CACNA2D3: variants seen among roughly 807,000 people sequenced by gnomAD.
CACNA2D3 encodes voltage-dependent calcium channel subunit alpha-2/delta-3.
In CACNA2D3, 60 loss-of-function variants were observed where a neutral mutation model predicts 160.6. That is an observed-to-expected ratio of 0.37 (90% confidence interval 0.30 to 0.46). CACNA2D3 has a LOEUF of 0.46. Among genes scored for constraint, CACNA2D3 ranks in the 20% least tolerant of loss-of-function variants. The probability of loss-of-function intolerance (pLI) is 1.00; values close to 1 mark genes in which losing one functional copy is unlikely to be tolerated. For synonymous variants in CACNA2D3, 558 were observed against 492.9 expected (o/e 1.13, Z -1.75); for missense variants, 1,205 against 1,365.0 (o/e 0.88, Z 1.85).
chr3:54,132,628 T>C lies in CACNA2D3; in HGVS notation c.204+9034T>C, dbSNP rs1466547223. On this transcript the variant is annotated intron_variant, in intron 2 of 37. Coordinates refer to ENST00000474759, the MANE Select transcript of CACNA2D3 (RefSeq NM_018398.3). Reference sequence around the variant, plus strand: ...TACTTGAACAGCGAGGTTTTCAGTTTTTTTGCTTGAAACAAATGCTTTATG... The same window carrying C: ...TACTTGAACAGCGAGGTTTTCAGTTCTTTTGCTTGAAACAAATGCTTTATG... 2.6e-5 allele frequency among the ~76,000 whole-genome samples: 4 copies of C among 152,214 alleles called. No individual in the cohort carries two copies. In the East Asian group the frequency reaches 5.8e-4, roughly 22 times the overall value.
intron 11 of CACNA2D3, among the ~76,000 whole-genome samples, chr3:54,694,700 G>A (rs921149282): frequency 2.6e-5 from 4 of 152,168 alleles, no homozygotes; most frequent in Non-Finnish European, 5.9e-5. Flanking sequence ...CTGAGGTATT[G>A]CTAGCTGTAT....
chr3:54,828,748 T>C (rs1703800132), intron 14 of CACNA2D3, among the ~76,000 whole-genome samples: 1 of 152,198 alleles, frequency 6.6e-6, no homozygotes, highest in African/African-American at 2.4e-5. Context: ...GGGAAATCTG[T>C]TTACTTTTGT....
chr3:54,820,342 TTGTC>T (rs1366859479), intron 14 of CACNA2D3, among the ~76,000 whole-genome samples: 4 of 152,228 alleles, frequency 2.6e-5, no homozygotes, highest in Non-Finnish European at 5.9e-5. Context: ...TTAATGACTG[TTGTC>T]TGTAAGTTAT....
At chr3:54,849,777 G>A (rs1044528845) in intron 17 of CACNA2D3, among the ~76,000 whole-genome samples, 15 of 152,202 alleles carry the variant, frequency 9.9e-5, no homozygotes, top group African/African-American at 3.4e-4. Flanking sequence ...AGCATGGGGA[G>A]GACACAGCAA....
intron 35 of CACNA2D3, among the ~76,000 whole-genome samples, chr3:55,042,563 G>A (rs978824143): frequency 2.0e-5 from 3 of 152,064 alleles, no homozygotes; most frequent in African/African-American, 7.2e-5. Flanking sequence ...CTTTGAAACA[G>A]CATATGTTTT....
At chr3:54,600,731 A>G (rs1017847946) in intron 9 of CACNA2D3, among the ~76,000 whole-genome samples, 3 of 151,990 alleles carry the variant, frequency 2.0e-5, no homozygotes, top group Non-Finnish European at 4.4e-5. Context: ...CTTCCTCCCC[A>G]GTTGTCATGA....
chr3:54,412,367 A>T (rs909435060), intron 4 of CACNA2D3, among the ~76,000 whole-genome samples: 1 of 151,918 alleles, frequency 6.6e-6, no homozygotes, highest in African/African-American at 2.4e-5. Flanking sequence ...GGATTTGTTT[A>T]TCTGTTTAGT....
chr3:55,033,000 A>G lies in CACNA2D3; in HGVS notation c.2987+14683A>G, dbSNP rs1703713862. Reference sequence around the variant, plus strand: ...AATTCTAGTAGCTGAGACACCTGTTATTTTGTGTGATATTTAAAAACAAGT... The same window carrying G: ...AATTCTAGTAGCTGAGACACCTGTTGTTTTGTGTGATATTTAAAAACAAGT... On this transcript the variant is annotated intron_variant, in intron 35 of 37. Coordinates refer to ENST00000474759, the MANE Select transcript of CACNA2D3 (RefSeq NM_018398.3). Among the ~76,000 whole-genome samples, 5 of 152,160 alleles carry G rather than the reference A, an allele frequency of 3.3e-5. No homozygotes were observed. The South Asian group carries it at 1.0e-3, about 32-fold the overall frequency.
chr3:54,241,630 C>T (rs1024219077), intron 2 of CACNA2D3, among the ~76,000 whole-genome samples: 2 of 152,182 alleles, frequency 1.3e-5, no homozygotes, highest in South Asian at 2.1e-4. Flanking sequence ...TGCTGGCTCA[C>T]GTGGCTGTGG....
intron 9 of CACNA2D3, chr3:54,626,683 TCAAAAAA>T (rs1559531064): frequency 1.2e-5 from 3 of 242,686 alleles, no homozygotes; most frequent in South Asian, 9.2e-5. Context: ...ATGGTTCCAG[TCAAAAAA>T]AAAAAAAAAA....
intron 27 of CACNA2D3, among the ~76,000 whole-genome samples, chr3:54,955,855 G>T (rs1219158980): frequency 6.6e-6 from 1 of 152,132 alleles, no homozygotes; most frequent in Non-Finnish European, 1.5e-5. Flanking sequence ...GCCTGCTCAC[G>T]AAACCTGGTG....
chr3:54,500,504 T>TTCCTTCCTTCCTTC (rs1701271807), intron 4 of CACNA2D3, among the ~76,000 whole-genome samples: 5 of 102,060 alleles, frequency 4.9e-5, no homozygotes, highest in Non-Finnish European at 1.0e-4. Context: ...TTCCTTCCTA[T>TTCCTTCCTTCCTTC]CTTCCTTCCT....
intron 36 of CACNA2D3, 53 bp from the exon 37 acceptor site, chr3:55,073,724 A>G (rs1358728497): frequency 6.7e-7 from 1 of 1,483,514 alleles, no homozygotes; most frequent in Non-Finnish European, 9.4e-7. Flanking sequence ...TGACCTCTGA[A>G]ATGCAGAGTA....
At chr3:54,246,479 G>T (rs1253127026) in intron 2 of CACNA2D3, among the ~76,000 whole-genome samples, 3 of 152,158 alleles carry the variant, frequency 2.0e-5, no homozygotes, top group African/African-American at 7.2e-5. Flanking sequence ...GATCACCTGA[G>T]GTCAGGAGGT....
intron 9 of CACNA2D3, among the ~76,000 whole-genome samples, chr3:54,614,611 G>A (rs1698810428): frequency 6.6e-6 from 1 of 152,074 alleles, no homozygotes; most frequent in African/African-American, 2.4e-5. Flanking sequence ...TTCCCCAGGT[G>A]TATGCTCAAG....
intron 2 of CACNA2D3, among the ~76,000 whole-genome samples, chr3:54,241,148 G>A (rs978710657): frequency 6.6e-5 from 10 of 152,186 alleles, no homozygotes; most frequent in African/African-American, 2.2e-4. Flanking sequence ...CCCTCTTGGG[G>A]TCAGTCTATA....
chr3:54,865,582 C>T (rs1177888252), intron 17 of CACNA2D3, among the ~76,000 whole-genome samples: 1 of 152,252 alleles, frequency 6.6e-6, no homozygotes, highest in East Asian at 1.9e-4. Flanking sequence ...CCACAGGCCC[C>T]TCTGGCCTTC....
intron 11 of CACNA2D3, among the ~76,000 whole-genome samples, chr3:54,735,816 A>G (rs1025356864): frequency 1.3e-5 from 2 of 151,520 alleles, no homozygotes; most frequent in Non-Finnish European, 2.9e-5. Context: ...TCTTCAAAAT[A>G]CTTTTCTTAT....
chr3:55,013,668 C>A (rs879275497), intron 34 of CACNA2D3, among the ~76,000 whole-genome samples: 1 of 152,056 alleles, frequency 6.6e-6, no homozygotes, highest in Non-Finnish European at 1.5e-5. Context: ...TGCTCCATTT[C>A]CTTAATGAAG....
Sources: allele counts gnomAD v4.1 joint callset (sites outside exome capture counted in the v4.1 genomes callset), GRCh38; gene constraint gnomAD v4.1.1; transcripts MANE v1.5; gene names NCBI Gene and HGNC (gene_info 2026-07-23, HGNC 2026-07-21).